Variants in HYAL4 observed in about 807,000 individuals in gnomAD.
HYAL4 encodes the protein hyaluronidase 4, also known as hyaluronidase-4.
A neutral mutation model predicts 35.2 loss-of-function variants in HYAL4; 37 were observed. The observed-to-expected ratio is 1.05, with a 90% CI of 0.81 to 1.38. The LOEUF is 1.38. Among genes scored for constraint, HYAL4 ranks in the 40% most tolerant of loss-of-function variants. The probability of loss-of-function intolerance (pLI) is 0.00; values close to 1 mark genes in which losing one functional copy is unlikely to be tolerated. For missense variants in HYAL4, 572 were observed against 572.4 expected, an observed-to-expected ratio of 1.00 and a Z score of 0.01; for synonymous variants, 198 against 203.2, an observed-to-expected ratio of 0.97 and a Z score of 0.22.
the HYAL4 span, among the ~76,000 whole-genome samples, chr7:123,821,019 A>G: frequency 6.6e-6 from 1 of 152,204 alleles, no homozygotes; most frequent in Non-Finnish European, 1.5e-5. Flanking sequence ...CATTGTATGT[A>G]TATACCGAAT....
upstream of HYAL4, among the ~76,000 whole-genome samples, chr7:123,840,536 A>G (rs1584911167): frequency 6.6e-6 from 1 of 152,012 alleles, no homozygotes; most frequent in Non-Finnish European, 1.5e-5. Context: ...AGTCATTGGT[A>G]GCTTGATGGG....
chr7:123,773,803 T>G, the HYAL4 span, among the ~76,000 whole-genome samples: 1 of 152,204 alleles, frequency 6.6e-6, no homozygotes, highest in African/African-American at 2.4e-5. Context: ...TGAACTTTCT[T>G]CTTCTTAGGC....
At chr7:123,854,854 C>T (rs1806395552) in intron 2 of HYAL4, among the ~76,000 whole-genome samples, 1 of 152,064 alleles carries the variant, frequency 6.6e-6, no homozygotes, top group African/African-American at 2.4e-5. Context: ...GTGTGGGAGT[C>T]TATGTCTCTT....
chr7:123,771,486 A>T, the HYAL4 span, among the ~76,000 whole-genome samples: 306 of 152,106 alleles, frequency 2.0e-3, 1 homozygote, highest in Middle Eastern at 0.01. Flanking sequence ...CTAGTATCTG[A>T]TTTCAGTTAC....
chr7:123,818,414 G>A, the HYAL4 span, among the ~76,000 whole-genome samples: 2 of 152,048 alleles, frequency 1.3e-5, no homozygotes, highest in Non-Finnish European at 2.9e-5. Flanking sequence ...ATTCTCAAGA[G>A]TCTACTGATT....
intron 2 of HYAL4, among the ~76,000 whole-genome samples, chr7:123,850,500 A>G (rs1411816881): frequency 6.6e-6 from 1 of 152,140 alleles, no homozygotes; most frequent in Non-Finnish European, 1.5e-5. Flanking sequence ...TCGGCCTCCC[A>G]AAGTACTGGG....
At chr7:123,771,538 G>T in the HYAL4 span, among the ~76,000 whole-genome samples, 1 of 151,824 alleles carries the variant, frequency 6.6e-6, no homozygotes, top group Non-Finnish European at 1.5e-5. Flanking sequence ...ACATACATTG[G>T]CAACCTTATA....
At chr7:123,842,624 G>A (rs1386061958), upstream of HYAL4, among the ~76,000 whole-genome samples, 1 of 151,846 alleles carries the variant, frequency 6.6e-6, no homozygotes, top group Non-Finnish European at 1.5e-5. Context: ...ATTATTGTGT[G>A]GGAGTCTAAG....
At chr7:123,845,997 G>T (rs1439967300) in intron 1 of HYAL4, among the ~76,000 whole-genome samples, 1 of 152,220 alleles carries the variant, frequency 6.6e-6, no homozygotes, top group Admixed American at 6.5e-5. Context: ...GTCCTGTGAT[G>T]TAAACCATCT....
At chr7:123,813,101 C>A in the HYAL4 span, among the ~76,000 whole-genome samples, 11 of 152,104 alleles carry the variant, frequency 7.2e-5, no homozygotes, top group East Asian at 2.1e-3. Flanking sequence ...TGGTTGGTGT[C>A]TTTCCTGAAT....
At chr7:123,770,052 T>C in the HYAL4 span, among the ~76,000 whole-genome samples, 1 of 151,952 alleles carries the variant, frequency 6.6e-6, no homozygotes, top group African/African-American at 2.4e-5. Context: ...GATATCAGAA[T>C]AAAGTTTAAA....
At chr7:123,804,318 C>G in the HYAL4 span, among the ~76,000 whole-genome samples, 1 of 152,040 alleles carries the variant, frequency 6.6e-6, no homozygotes, top group Non-Finnish European at 1.5e-5. Flanking sequence ...GCTCTGAGAC[C>G]CCTCATATGG....
the HYAL4 span, among the ~76,000 whole-genome samples, chr7:123,783,801 C>T: frequency 6.6e-6 from 1 of 152,176 alleles, no homozygotes; most frequent in African/African-American, 2.4e-5. Context: ...GACTTTATGT[C>T]ATTGGTGAGT....
At chr7:123,853,321 G>C (rs896720984) in intron 2 of HYAL4, among the ~76,000 whole-genome samples, 1 of 152,204 alleles carries the variant, frequency 6.6e-6, no homozygotes, top group Non-Finnish European at 1.5e-5. Flanking sequence ...GCTTTTCAAA[G>C]GGAATGCTTC....
intron 1 of HYAL4, among the ~76,000 whole-genome samples, chr7:123,836,284 G>C (rs1805962214): frequency 1.3e-5 from 2 of 152,030 alleles, no homozygotes; most frequent in South Asian, 4.2e-4. Flanking sequence ...TATATATTCA[G>C]GATTGTGATA....
the HYAL4 span, among the ~76,000 whole-genome samples, chr7:123,811,110 C>G: frequency 3.3e-5 from 5 of 152,150 alleles, no homozygotes; most frequent in African/African-American, 1.2e-4. Flanking sequence ...ATTTTGGTTG[C>G]TTACAGATTT....
chr7:123,783,499 T>A, the HYAL4 span, among the ~76,000 whole-genome samples: 1 of 152,132 alleles, frequency 6.6e-6, no homozygotes, highest in Non-Finnish European at 1.5e-5. Flanking sequence ...AATTACTCAG[T>A]TCTCCCCAGA....
At chr7:123,843,774 C>T (rs745358397), upstream of HYAL4, among the ~76,000 whole-genome samples, 5 of 151,732 alleles carry the variant, frequency 3.3e-5, no homozygotes, top group South Asian at 4.2e-4. Flanking sequence ...CCCTTTCTTC[C>T]GCTTGATCGA....
chr7:123,803,598 T>C, the HYAL4 span, among the ~76,000 whole-genome samples: 1 of 152,224 alleles, frequency 6.6e-6, no homozygotes, highest in Non-Finnish European at 1.5e-5. Context: ...TAAATGTAGG[T>C]GATTCTCAAA....
Sources: gnomAD v4.1 joint callset for allele counts (sites outside exome capture counted in the v4.1 genomes callset) on GRCh38, gnomAD v4.1.1 for gene constraint, MANE v1.5 for transcripts, NCBI Gene and HGNC (gene_info 2026-07-23, HGNC 2026-07-21) for gene names.